ME3: variants seen among roughly 807,000 people sequenced by gnomAD.
The protein encoded by ME3 is NADP-dependent malic enzyme, mitochondrial.
A neutral mutation model predicts 68.9 loss-of-function variants in ME3; 48 were observed. The observed-to-expected ratio is 0.70, with a 90% CI of 0.55 to 0.89. The LOEUF (loss-of-function observed/expected upper bound fraction) is 0.89, where lower values mean the gene tolerates loss of function less well. Among genes scored for constraint, ME3 ranks in the 40% least tolerant of loss-of-function variants. The pLI is 0.00. For missense variants in ME3, 675 were observed against 797.4 expected, an observed-to-expected ratio of 0.85 and a Z score of 1.85; for synonymous variants, 320 against 318.8, an observed-to-expected ratio of 1.00 and a Z score of -0.04.
At chr11:86,462,356 T>C (rs1026778131) in intron 8 of ME3, among the ~76,000 whole-genome samples, 7 of 152,236 alleles carry the variant, frequency 4.6e-5, no homozygotes, top group Admixed American at 3.9e-4. Flanking sequence ...TATGTGTTAA[T>C]CCACTACTGA....
intron 2 of ME3, among the ~76,000 whole-genome samples, chr11:86,608,468 C>A (rs1454376184): frequency 6.6e-6 from 1 of 152,170 alleles, no homozygotes; most frequent in African/African-American, 2.4e-5. Context: ...TCTGAGGATG[C>A]ACTCTCAATA....
chr11:86,446,372 C>T, exon 13 of ME3: 3 of 1,614,206 alleles, frequency 1.9e-6, no homozygotes, highest in African/African-American at 1.3e-5. Context: ...GGCGATGACT[C>T]CCAGTGCCAC....
At chr11:86,586,274 T>C (rs1958728140) in intron 2 of ME3, among the ~76,000 whole-genome samples, 1 of 151,942 alleles carries the variant, frequency 6.6e-6, no homozygotes, top group African/African-American at 2.4e-5. Context: ...ATTAGGTTAG[T>C]GGGTAGGAGC....
chr11:86,607,461 T>G (rs1038274953), intron 2 of ME3, among the ~76,000 whole-genome samples: 37 of 150,924 alleles, frequency 2.5e-4, no homozygotes, highest in Admixed American at 1.6e-3. Flanking sequence ...AGTTTTTTTT[T>G]TTTTTTTTTT....
At chr11:86,623,894 C>G (rs1943500900) in intron 2 of ME3, among the ~76,000 whole-genome samples, 1 of 152,094 alleles carries the variant, frequency 6.6e-6, no homozygotes, top group Non-Finnish European at 1.5e-5. Flanking sequence ...AATGTCTGCC[C>G]AGATCAAAAT....
chr11:86,609,881 T>C (rs1390429818), intron 2 of ME3, among the ~76,000 whole-genome samples: 1 of 152,132 alleles, frequency 6.6e-6, no homozygotes, highest in Admixed American at 6.6e-5. Flanking sequence ...TAAGCAAAAT[T>C]ATATATAAAT....
chr11:86,561,300 T>G (rs56009909), intron 2 of ME3, among the ~76,000 whole-genome samples: 19,741 of 152,182 alleles, frequency 0.13, 1,529 homozygotes, highest in Middle Eastern at 0.19. Flanking sequence ...GCCGTGGTCC[T>G]AGACTAAGCC....
chr11:86,462,942 AAC>A (rs1950295331), intron 8 of ME3, among the ~76,000 whole-genome samples: 1 of 152,202 alleles, frequency 6.6e-6, no homozygotes, highest in South Asian at 2.1e-4. Context: ...AGGGCTTTCA[AAC>A]ACAGAAAGAA....
chr11:86,476,724 A>T (rs1453230339), intron 7 of ME3, among the ~76,000 whole-genome samples: 1 of 152,160 alleles, frequency 6.6e-6, no homozygotes, highest in Non-Finnish European at 1.5e-5. Context: ...AGCAAAACTG[A>T]ATAGGTCTGT....
At chr11:86,533,353 CT>C (rs1185010625) in intron 4 of ME3, among the ~76,000 whole-genome samples, 5 of 152,014 alleles carry the variant, frequency 3.3e-5, no homozygotes, top group African/African-American at 4.8e-5. Flanking sequence ...TCATAAAAGA[CT>C]GTTATGAACA....
Position 86,601,160 on chromosome 11 carries a change from A to G in ME3, c.184-41337T>C, listed in dbSNP as rs1177654241. The stretch of plus-strand genomic sequence containing the variant: ...AACCCTTCAAAAAATTAATGAATCC[A>G]GGAGCTGGTTTTTTGAAAGGATCAA... On this transcript the variant is annotated intron_variant, in intron 2 of 14. Transcript: ENST00000543262. 1.1e-4 allele frequency among the ~76,000 whole-genome samples: 17 copies of G among 151,806 alleles called. 1 individual carries two copies. In the East Asian group the frequency reaches 2.9e-3, roughly 26 times the overall value.
At chr11:86,484,670 T>G (rs771569032) in intron 7 of ME3, among the ~76,000 whole-genome samples, 6 of 152,232 alleles carry the variant, frequency 3.9e-5, no homozygotes, top group Non-Finnish European at 7.3e-5. Flanking sequence ...GAATGATTAC[T>G]GACTCATTAG....
intron 2 of ME3, among the ~76,000 whole-genome samples, chr11:86,650,680 T>C (rs1368529962): frequency 6.6e-6 from 1 of 152,176 alleles, no homozygotes; most frequent in Non-Finnish European, 1.5e-5. Context: ...ACACAGAAGA[T>C]GAATGATTTA....
intron 2 of ME3, among the ~76,000 whole-genome samples, chr11:86,595,292 C>CATATAT (rs775768095): frequency 0.093 from 11,519 of 123,922 alleles, 1,255 homozygotes; most frequent in Non-Finnish European, 0.11. Context: ...TATACATATA[C>CATATAT]ATATATATAT....
intron 4 of ME3, among the ~76,000 whole-genome samples, chr11:86,522,458 C>T (rs1046175952): frequency 3.3e-5 from 5 of 151,150 alleles, no homozygotes; most frequent in African/African-American, 1.2e-4. Flanking sequence ...ACCTGTCAAC[C>T]TGTCATCTAG....
At chr11:86,640,488 G>A (rs775630905) in intron 2 of ME3, among the ~76,000 whole-genome samples, 2 of 152,210 alleles carry the variant, frequency 1.3e-5, no homozygotes, top group Non-Finnish European at 2.9e-5. Flanking sequence ...ACTAACACAT[G>A]CTCAGAACCC....
At chr11:86,474,073 C>T (rs1950926896) in intron 7 of ME3, among the ~76,000 whole-genome samples, 1 of 152,124 alleles carries the variant, frequency 6.6e-6, no homozygotes. Context: ...GCACGGAAGT[C>T]GTGGAAGGGA....
intron 3 of ME3, among the ~76,000 whole-genome samples, chr11:86,557,309 G>A (rs1364896435): frequency 1.3e-5 from 2 of 152,162 alleles, no homozygotes; most frequent in Non-Finnish European, 2.9e-5. Context: ...CACTAAGCCA[G>A]GGAAAGAGGC....
At chr11:86,604,568 T>C (rs1175135659) in intron 2 of ME3, among the ~76,000 whole-genome samples, 3 of 152,162 alleles carry the variant, frequency 2.0e-5, no homozygotes, top group Non-Finnish European at 4.4e-5. Context: ...ATAAATGAAA[T>C]ACAGTAAACA....
Sources: gnomAD v4.1 joint callset for allele counts (sites outside exome capture counted in the v4.1 genomes callset) on GRCh38, gnomAD v4.1.1 for gene constraint, MANE v1.5 for transcripts, NCBI Gene and HGNC (gene_info 2026-07-23, HGNC 2026-07-21) for gene names.